The following NXPH2 variants were observed in gnomAD, a reference collection of about 807,000 sequenced individuals.
NXPH2 encodes neurexophilin 2, also known as neurexophilin-2.
NXPH2 carries 5 observed loss-of-function variants against 19.8 expected under a neutral mutation model. The ratio of observed to expected loss-of-function variants is 0.25; its 90% CI spans 0.13 to 0.53. The LOEUF (loss-of-function observed/expected upper bound fraction) is 0.53. NXPH2 is among the 20% of genes least tolerant of loss of function. The pLI is 0.96. For synonymous variants in NXPH2, 154 were observed against 127.4 expected (o/e 1.21, Z -1.41); for missense variants, 289 against 322.8 (o/e 0.90, Z 0.80).
chr2:138,758,995 T>G (rs1452468585), intron 1 of NXPH2, among the ~76,000 whole-genome samples: 1 of 152,136 alleles, frequency 6.6e-6, no homozygotes, highest in African/African-American at 2.4e-5. Flanking sequence ...TATAAAGCAA[T>G]TTGTGACCAG....
At chr2:138,700,603 AT>A (rs1680905374) in intron 1 of NXPH2, among the ~76,000 whole-genome samples, 1 of 152,116 alleles carries the variant, frequency 6.6e-6, no homozygotes, top group African/African-American at 2.4e-5. Context: ...AGAATTTGTT[AT>A]GGCTCTTTAG....
intron 1 of NXPH2, among the ~76,000 whole-genome samples, chr2:138,702,946 T>G (rs1036819568): frequency 2.6e-5 from 4 of 152,174 alleles, no homozygotes; most frequent in African/African-American, 9.7e-5. Flanking sequence ...TAAATCAAAC[T>G]TAATGAGAAC....
At chr2:138,695,545 A>C (rs1293081766) in intron 1 of NXPH2, among the ~76,000 whole-genome samples, 1 of 152,174 alleles carries the variant, frequency 6.6e-6, no homozygotes, top group Non-Finnish European at 1.5e-5. Context: ...TTTGATTCAA[A>C]AACTCCACAA....
At chr2:138,707,760 C>A (rs930442676) in intron 1 of NXPH2, among the ~76,000 whole-genome samples, 2 of 152,114 alleles carry the variant, frequency 1.3e-5, no homozygotes, top group Non-Finnish European at 2.9e-5. Flanking sequence ...CTTTTTGTAT[C>A]CAAGTGCCAG....
chr2:138,675,486 G>T (rs888610477), intron 1 of NXPH2, among the ~76,000 whole-genome samples: 1 of 152,018 alleles, frequency 6.6e-6, no homozygotes, highest in Admixed American at 6.5e-5. Flanking sequence ...TACTTCCATT[G>T]TGATGGTTCT....
chr2:138,692,954 T>C (rs1421762550), intron 1 of NXPH2, among the ~76,000 whole-genome samples: 1 of 152,220 alleles, frequency 6.6e-6, no homozygotes, highest in Non-Finnish European at 1.5e-5. Context: ...CATTTCATTT[T>C]ACAATGCATG....
In NXPH2 at chr2:138,669,698, G is replaced by C. The variant is rs1300008476; in HGVS notation, c.*1224C>G. On this transcript the variant is annotated 3_prime_UTR_variant, in exon 2 of 2. Coordinates refer to ENST00000272641, the MANE Select transcript of NXPH2 (RefSeq NM_007226.3). ...CTTTTTCTTGGCCAACCAGACCCCT[G>C]TTTCTGTTCTAATTTAATGATCATT... is the stretch of plus-strand genomic sequence containing the variant. Among the ~76,000 whole-genome samples the C allele has an allele frequency of 1.3e-5, 2 of 152,102 alleles. No homozygotes were observed. The highest frequency in any genetic ancestry group is 4.8e-5 in the African/African-American group (2 of 41,398).
chr2:138,756,946 G>T (rs950946053), intron 1 of NXPH2, among the ~76,000 whole-genome samples: 1 of 152,142 alleles, frequency 6.6e-6, no homozygotes, highest in Non-Finnish European at 1.5e-5. Flanking sequence ...CTTACTCTAA[G>T]CAAAGTAACA....
chr2:138,682,196 T>TAACAAAC (rs1680589854), intron 1 of NXPH2, among the ~76,000 whole-genome samples: 1 of 152,176 alleles, frequency 6.6e-6, no homozygotes, highest in Non-Finnish European at 1.5e-5. Flanking sequence ...CATTTGAATA[T>TAACAAAC]AACAAACAAA....
intron 1 of NXPH2, among the ~76,000 whole-genome samples, chr2:138,690,560 T>C (rs939819337): frequency 4.0e-5 from 6 of 151,418 alleles, no homozygotes; most frequent in Non-Finnish European, 8.8e-5. Context: ...GTCTTTGACT[T>C]TCTCTCAAAA....
chr2:138,754,524 T>A (rs1681875629), intron 1 of NXPH2, among the ~76,000 whole-genome samples: 1 of 152,204 alleles, frequency 6.6e-6, no homozygotes, highest in East Asian at 1.9e-4. Context: ...TAGCTCAAAT[T>A]GTTTTTATCA....
intron 1 of NXPH2, among the ~76,000 whole-genome samples, chr2:138,706,772 G>A (rs1681021798): frequency 6.6e-6 from 1 of 151,806 alleles, no homozygotes; most frequent in Non-Finnish European, 1.5e-5. Flanking sequence ...GTGTGGTAGT[G>A]TGTACCTGAA....
chr2:138,696,080 T>G lies in NXPH2; in HGVS notation c.52-24415A>C, dbSNP rs544152980. On this transcript the variant is annotated intron_variant, in intron 1 of 1. Coordinates refer to ENST00000272641, the MANE Select transcript of NXPH2 (RefSeq NM_007226.3). ...TGACAATTAAGTTGGCATAGATATG[T>G]ATATATTTTTTAATAAAACAGTCAG... Among the ~76,000 whole-genome samples, 23 of 152,266 alleles carry G rather than the reference T, an allele frequency of 1.5e-4. 1 individual carries two copies. Among genetic ancestry groups the G allele is most frequent in the Middle Eastern group, 3.4e-3 (1 of 294 alleles).
At chr2:138,674,838 A>G (rs760797689) in intron 1 of NXPH2, among the ~76,000 whole-genome samples, 34 of 152,084 alleles carry the variant, frequency 2.2e-4, no homozygotes, top group Non-Finnish European at 3.5e-4. Context: ...TCTACTACCT[A>G]TTTTTCACCT....
At chr2:138,733,899 CG>C (rs1427490042) in intron 1 of NXPH2, among the ~76,000 whole-genome samples, 1 of 152,064 alleles carries the variant, frequency 6.6e-6, no homozygotes, top group Non-Finnish European at 1.5e-5. Context: ...AAAGAAAAGA[CG>C]TAGGGGAAAA....
intron 1 of NXPH2, among the ~76,000 whole-genome samples, chr2:138,703,300 G>T (rs1680959832): frequency 6.6e-6 from 1 of 152,146 alleles, no homozygotes; most frequent in African/African-American, 2.4e-5. Flanking sequence ...TACCCTCTGA[G>T]AGTCTAACTA....
At chr2:138,707,094 C>CAAAAAAAAAAAAAA (rs70982073) in intron 1 of NXPH2, among the ~76,000 whole-genome samples, 725 of 34,754 alleles carry the variant, frequency 0.021, 83 homozygotes, top group Middle Eastern at 0.053. Flanking sequence ...TGCCCCATGA[C>CAAAAAAAAAAAAAA]AAAAAAAAAA....
intron 1 of NXPH2, among the ~76,000 whole-genome samples, chr2:138,771,968 C>T (rs115689870): frequency 0.016 from 2,415 of 152,234 alleles, 39 homozygotes; most frequent in Non-Finnish European, 0.023. Context: ...AAGCCATGTG[C>T]TACTAGTAAA....
chr2:138,680,944 C>A (rs562429938), intron 1 of NXPH2, among the ~76,000 whole-genome samples: 1 of 152,238 alleles, frequency 6.6e-6, no homozygotes, highest in South Asian at 2.1e-4. Context: ...ATTTTCATGA[C>A]CATAAACAGG....
Sources: gnomAD v4.1 joint callset for allele counts (sites outside exome capture counted in the v4.1 genomes callset) on GRCh38, gnomAD v4.1.1 for gene constraint, MANE v1.5 for transcripts, NCBI Gene and HGNC (gene_info 2026-07-23, HGNC 2026-07-21) for gene names.